The following DISP1 variants were observed in gnomAD, a reference collection of about 807,000 sequenced individuals.
DISP1 encodes dispatched RND transporter family member 1.
In DISP1, 30 loss-of-function variants were observed where a neutral mutation model predicts 37.3. That is an observed-to-expected ratio of 0.80 (90% CI 0.60 to 1.09). DISP1 has a LOEUF of 1.09. DISP1 is among the 50% of genes least tolerant of loss of function. The pLI is 0.00. For synonymous variants in DISP1, 634 were observed against 690.2 expected (o/e 0.92, Z 1.28); for missense variants, 1,598 against 1,879.5 (o/e 0.85, Z 2.77).
intron 1 of DISP1, among the ~76,000 whole-genome samples, chr1:222,837,649 AT>A (rs1667323340): frequency 6.6e-6 from 1 of 152,236 alleles, no homozygotes; most frequent in Non-Finnish European, 1.5e-5. Context: ...ATTCTTAACA[AT>A]TTAACAGAGG....
intron 1 of DISP1, chr1:222,872,541 G>A (rs1304384856): frequency 6.6e-6 from 1 of 152,118 alleles, no homozygotes; most frequent in Non-Finnish European, 1.5e-5. Context: ...ATTTCTTCTA[G>A]ATTTTCTAGT....
intron 4 of DISP1, among the ~76,000 whole-genome samples, chr1:222,984,551 T>C (rs1282985650): frequency 6.6e-6 from 1 of 150,760 alleles, no homozygotes; most frequent in Non-Finnish European, 1.5e-5. Context: ...ATGATAGATA[T>C]AACATGTTGA....
At chr1:222,930,702 A>G (rs917366573) in intron 2 of DISP1, among the ~76,000 whole-genome samples, 1 of 152,144 alleles carries the variant, frequency 6.6e-6, no homozygotes, top group South Asian at 2.1e-4. Context: ...TTCATCTAAT[A>G]TATACAAGAA....
chr1:222,905,834 A>G (rs143416869), intron 1 of DISP1, among the ~76,000 whole-genome samples: 1 of 152,348 alleles, frequency 6.6e-6, no homozygotes, highest in Admixed American at 6.5e-5. Context: ...TTTAAAATTA[A>G]GCATGAGTAA....
At chr1:222,864,423 T>TA (rs1669060682) in intron 1 of DISP1, among the ~76,000 whole-genome samples, 1 of 152,080 alleles carries the variant, frequency 6.6e-6, no homozygotes, top group Non-Finnish European at 1.5e-5. Flanking sequence ...GCTCTCTTCT[T>TA]ACCATTTATT....
At chr1:222,911,602 A>T (rs1672212565) in intron 1 of DISP1, among the ~76,000 whole-genome samples, 1 of 151,956 alleles carries the variant, frequency 6.6e-6, no homozygotes, top group South Asian at 2.1e-4. Context: ...ACTCCCAGGA[A>T]TTTCCTGGGA....
At chr1:222,820,122 G>T (rs891145409) in intron 1 of DISP1, among the ~76,000 whole-genome samples, 5 of 152,134 alleles carry the variant, frequency 3.3e-5, no homozygotes, top group Admixed American at 2.0e-4. Context: ...TACAAAAGTA[G>T]TTATAGTTAA....
At chr1:222,924,412 C>T (rs553654342) in intron 1 of DISP1, among the ~76,000 whole-genome samples, 1 of 152,108 alleles carries the variant, frequency 6.6e-6, no homozygotes, top group Non-Finnish European at 1.5e-5. Context: ...AGACTGTAAC[C>T]TCTTGATTCA....
At chr1:222,828,551 C>T (rs895932134) in intron 1 of DISP1, among the ~76,000 whole-genome samples, 11 of 152,024 alleles carry the variant, frequency 7.2e-5, no homozygotes, top group Admixed American at 3.9e-4. Flanking sequence ...TCATGTGTAT[C>T]GATTGTAAGC....
In DISP1 at chr1:223,005,424, A is replaced by T. The variant is rs71644722; in HGVS notation, c.4027A>T (p.Lys1343Ter). 1 of 1,613,600 alleles carries T rather than the reference A, an allele frequency of 6.2e-7. No homozygotes were observed. Among genetic ancestry groups the T allele is most frequent in the South Asian group, 1.1e-5 (1 of 91,088 alleles). Residue 1343 changes from lysine to a stop codon, truncating the protein, a stop_gained, in exon 9 of 9, where the codon AAG (lysine) becomes TAG (stop). Transcript: ENST00000675850. LOFTEE classifies it low-confidence loss of function (END_TRUNC). ...HHCPCLQGRV[K>*]PAGMQNSLPR... is the part of the protein sequence containing the mutation. ...CTGTCCCTGCCTGCAGGGCAGAGTA[A>T]AGCCAGCCGGAATGCAGAATTCTCT... is the stretch of plus-strand genomic sequence containing the variant.
intron 1 of DISP1, among the ~76,000 whole-genome samples, chr1:222,847,745 G>A (rs1355273927): frequency 6.6e-6 from 1 of 152,064 alleles, no homozygotes; most frequent in Non-Finnish European, 1.5e-5. Flanking sequence ...CAGGGGGAAG[G>A]GAGAAGGATA....
intron 1 of DISP1, among the ~76,000 whole-genome samples, chr1:222,862,323 G>T (rs949035338): frequency 3.9e-5 from 6 of 152,056 alleles, no homozygotes; most frequent in African/African-American, 1.4e-4. Context: ...GTTTCTCGGA[G>T]TCATTTGAGA....
chr1:222,921,857 TAG>T (rs1430650055), intron 1 of DISP1, among the ~76,000 whole-genome samples: 18 of 152,226 alleles, frequency 1.2e-4, no homozygotes, highest in African/African-American at 4.1e-4. Context: ...CCTTTACATA[TAG>T]ATTAAGAGGG....
At chr1:222,832,255 T>TAAACTTCC (rs1434732289) in intron 1 of DISP1, among the ~76,000 whole-genome samples, 7 of 152,010 alleles carry the variant, frequency 4.6e-5, no homozygotes, top group Non-Finnish European at 7.4e-5. Context: ...CTGGGACAAC[T>TAAACTTCC]AAACTTCCAA....
chr1:222,884,595 A>G (rs1235743483), intron 1 of DISP1, among the ~76,000 whole-genome samples: 1 of 152,202 alleles, frequency 6.6e-6, no homozygotes, highest in Non-Finnish European at 1.5e-5. Context: ...TTGGCTATGC[A>G]TCCTACAGAA....
chr1:222,955,709 A>C (rs1312364033), intron 3 of DISP1, among the ~76,000 whole-genome samples: 2 of 152,144 alleles, frequency 1.3e-5, no homozygotes, highest in African/African-American at 4.8e-5. Flanking sequence ...TGTTGGCTCA[A>C]CTCTGACCAC....
At chr1:222,815,532 C>G (rs1170610566) in intron 1 of DISP1, among the ~76,000 whole-genome samples, 3 of 152,160 alleles carry the variant, frequency 2.0e-5, no homozygotes, top group Non-Finnish European at 4.4e-5. Flanking sequence ...GACGTCTTGA[C>G]CTAACGAACC....
At chr1:222,912,152 C>T (rs1335166274) in intron 1 of DISP1, among the ~76,000 whole-genome samples, 1 of 151,860 alleles carries the variant, frequency 6.6e-6, no homozygotes, top group African/African-American at 2.4e-5. Context: ...TGCTGTATGT[C>T]CAGAATTATA....
intron 3 of DISP1, among the ~76,000 whole-genome samples, chr1:222,950,020 G>T (rs528965794): frequency 6.6e-6 from 1 of 152,324 alleles, no homozygotes; most frequent in African/African-American, 2.4e-5. Context: ...ATCATCTTTG[G>T]AGTCACCTGG....
Sources: allele counts gnomAD v4.1 joint callset (sites outside exome capture counted in the v4.1 genomes callset), GRCh38; gene constraint gnomAD v4.1.1; transcripts MANE v1.5; gene names NCBI Gene and HGNC (gene_info 2026-07-23, HGNC 2026-07-21).